Variants in MAGI1 observed in about 807,000 individuals in gnomAD.
The protein encoded by MAGI1 is membrane associated guanylate kinase, WW and PDZ domain containing 1, also known as membrane-associated guanylate kinase, WW and PDZ domain-containing protein 1.
Under a neutral mutation model 139.9 loss-of-function variants are expected in MAGI1, and 58 were observed. The ratio of observed to expected loss-of-function variants is 0.41; its 90% CI spans 0.34 to 0.52. The LOEUF is 0.52. MAGI1 is among the 20% of genes least tolerant of loss of function. The probability of loss-of-function intolerance (pLI) is 0.12; values close to 1 mark genes in which losing one functional copy is unlikely to be tolerated. For synonymous variants in MAGI1, 812 were observed against 737.9 expected (o/e 1.10, Z -1.63); for missense variants, 1,874 against 1,901.6 (o/e 0.99, Z 0.27).
At chr3:65,944,255 C>T (rs1310642238) in intron 1 of MAGI1, among the ~76,000 whole-genome samples, 1 of 152,172 alleles carries the variant, frequency 6.6e-6, no homozygotes, top group African/African-American at 2.4e-5. Flanking sequence ...ATGGCTCAGG[C>T]CTGTAATCCC....
chr3:65,904,672 G>A (rs2061367675), intron 1 of MAGI1, among the ~76,000 whole-genome samples: 1 of 152,152 alleles, frequency 6.6e-6, no homozygotes, highest in African/African-American at 2.4e-5. Flanking sequence ...GACCACCCTG[G>A]CTAAGACAGA....
intron 10 of MAGI1, among the ~76,000 whole-genome samples, chr3:65,433,932 C>T (rs1947649305): frequency 6.6e-6 from 1 of 152,106 alleles, no homozygotes; most frequent in South Asian, 2.1e-4. Flanking sequence ...CACATGTAGC[C>T]ACTGAGCCCT....
At chr3:65,370,052 T>G (rs1328058014) in intron 18 of MAGI1, among the ~76,000 whole-genome samples, 2 of 152,182 alleles carry the variant, frequency 1.3e-5, no homozygotes, top group African/African-American at 4.8e-5. Context: ...ACTGTAATGC[T>G]CACTCTTTGT....
chr3:65,864,150 A>C (rs988524635), intron 1 of MAGI1, among the ~76,000 whole-genome samples: 1 of 152,230 alleles, frequency 6.6e-6, no homozygotes, highest in East Asian at 1.9e-4. Context: ...GTATAGCATG[A>C]TCCTATTTTG....
chr3:66,021,433 T>A (rs1481330200), intron 1 of MAGI1, among the ~76,000 whole-genome samples: 2 of 152,162 alleles, frequency 1.3e-5, no homozygotes, highest in Non-Finnish European at 2.9e-5. Context: ...CACCTAGCAT[T>A]TGCCCCCTAG....
chr3:65,508,108 T>A (rs1291034909), intron 2 of MAGI1, among the ~76,000 whole-genome samples: 1 of 152,102 alleles, frequency 6.6e-6, no homozygotes, highest in Non-Finnish European at 1.5e-5. Context: ...GGCCAATTTT[T>A]AAAAAATAAA....
chr3:65,484,538 A>C (rs2107635748), intron 3 of MAGI1, among the ~76,000 whole-genome samples: 1 of 152,322 alleles, frequency 6.6e-6, no homozygotes, highest in South Asian at 2.1e-4. Flanking sequence ...TATAGAGTAC[A>C]TGAATACATG....
At chr3:65,538,744 C>T (rs930845290) in intron 2 of MAGI1, among the ~76,000 whole-genome samples, 2 of 152,116 alleles carry the variant, frequency 1.3e-5, no homozygotes, top group Non-Finnish European at 2.9e-5. Flanking sequence ...GGGCAGCAGT[C>T]AGACCCAGAG....
At chr3:65,754,969 T>TG (rs1177239913) in intron 1 of MAGI1, among the ~76,000 whole-genome samples, 21 of 151,612 alleles carry the variant, frequency 1.4e-4, no homozygotes, top group African/African-American at 4.1e-4. Context: ...TTTTTTTTTT[T>TG]TTGAGATGGA....
chr3:65,653,289 T>G (rs976957718), intron 1 of MAGI1, among the ~76,000 whole-genome samples: 1 of 152,154 alleles, frequency 6.6e-6, no homozygotes, highest in African/African-American at 2.4e-5. Context: ...CTTTCACTAC[T>G]AGACCATTAC....
At chr3:65,981,183 AAATTT>A (rs1180845637) in intron 1 of MAGI1, among the ~76,000 whole-genome samples, 1 of 151,876 alleles carries the variant, frequency 6.6e-6, no homozygotes, top group Non-Finnish European at 1.5e-5. Flanking sequence ...GAAAGAAAAG[AAATTT>A]AATTTCCTAG....
At chr3:66,037,294 A>AT (rs1313695034) in intron 1 of MAGI1, among the ~76,000 whole-genome samples, 1 of 152,156 alleles carries the variant, frequency 6.6e-6, no homozygotes, top group Non-Finnish European at 1.5e-5. Flanking sequence ...TAGTAGCTTC[A>AT]TTTTCATCAT....
At chr3:65,739,428 T>A (rs2107773433) in intron 1 of MAGI1, among the ~76,000 whole-genome samples, 2 of 152,340 alleles carry the variant, frequency 1.3e-5, no homozygotes, top group East Asian at 3.9e-4. Context: ...TGCACTTTCT[T>A]GCCATTCGTG....
intron 1 of MAGI1, among the ~76,000 whole-genome samples, chr3:65,837,157 G>C (rs549018485): frequency 2.0e-5 from 3 of 152,054 alleles, no homozygotes; most frequent in Non-Finnish European, 4.4e-5. Context: ...GCTTCTCCAC[G>C]AAGTATTATG....
intron 1 of MAGI1, among the ~76,000 whole-genome samples, chr3:65,876,055 G>A (rs948941262): frequency 5.9e-5 from 9 of 152,020 alleles, no homozygotes; most frequent in African/African-American, 2.2e-4. Context: ...TTTCAGTTCT[G>A]CTGTGAGGGT....
Position 65,835,343 on chromosome 3 carries a change from C to T in MAGI1, c.313+202653G>A, listed in dbSNP as rs78724960. On this transcript the variant is annotated intron_variant, in intron 1 of 22. Transcript: ENST00000402939. ...AGAAACTACAGTTATATGATAAGGA[C>T]GTTAAAAAATTCATTATTTCAGACT... Among the ~76,000 whole-genome samples the T allele has an allele frequency of 5.5e-3, 842 of 152,112 alleles. 5 individuals carry two copies. The highest frequency in any genetic ancestry group is 0.019 in the African/African-American group (788 of 41,494).
At position 65,760,404 on chromosome 3, in the gene MAGI1, T is replaced by TA. The variant is rs1438123443; in HGVS notation, c.314-138317dup. Among the ~76,000 whole-genome samples the TA allele has an allele frequency of 6.1e-5, 9 of 147,552 alleles. 1 individual carries two copies. The highest frequency in any genetic ancestry group is 2.2e-4 in the African/African-American group (9 of 40,124). On this transcript the variant is annotated intron_variant, in intron 1 of 22. Coordinates refer to ENST00000402939, the MANE Select transcript of MAGI1 (RefSeq NM_001033057.2). ...AGAGCGGTAATTTTTTTTTTTTTTT[T>TA]AAGAGATGGGGTCTTGTTCTGTCAC...
chr3:65,947,938 CTTTTTTTTT>C (rs763826259), intron 1 of MAGI1, among the ~76,000 whole-genome samples: 1 of 127,876 alleles, frequency 7.8e-6, no homozygotes, highest in East Asian at 2.3e-4. Context: ...ATATCTTTCT[CTTTTTTTTT>C]TTTTTTTTTT....
chr3:65,548,791 G>A, intron 2 of MAGI1, among the ~76,000 whole-genome samples: 1 of 152,040 alleles, frequency 6.6e-6, no homozygotes, highest in South Asian at 2.1e-4. Flanking sequence ...CCAAAGTACT[G>A]GGATTACAGG....
Sources: gnomAD v4.1 joint callset for allele counts (sites outside exome capture counted in the v4.1 genomes callset) on GRCh38, gnomAD v4.1.1 for gene constraint, MANE v1.5 for transcripts, NCBI Gene and HGNC (gene_info 2026-07-23, HGNC 2026-07-21) for gene names.